TANGO6: variants seen among roughly 807,000 people sequenced by gnomAD.
TANGO6 encodes transport and golgi organization 6 homolog.
TANGO6 carries 90 observed loss-of-function variants against 114.2 expected under a neutral mutation model. The ratio of observed to expected loss-of-function variants is 0.79; its 90% CI spans 0.66 to 0.94. The LOEUF (loss-of-function observed/expected upper bound fraction) is 0.94, where lower values mean the gene tolerates loss of function less well. Ranked by LOEUF, TANGO6 falls within the 40% of genes least tolerant of loss-of-function variation. TANGO6 has a pLI of 0.00. For missense variants in TANGO6, 1,274 were observed against 1,315.3 expected, an observed-to-expected ratio of 0.97 and a Z score of 0.49; for synonymous variants, 477 against 509.8, an observed-to-expected ratio of 0.94 and a Z score of 0.87.
intron 16 of TANGO6, chr16:69,033,541 T>G (rs1419312334): frequency 6.6e-6 from 1 of 152,116 alleles, no homozygotes; most frequent in Non-Finnish European, 1.5e-5. Flanking sequence ...GGTTAACTTG[T>G]CAGGGCATCA....
intron 14 of TANGO6, among the ~76,000 whole-genome samples, chr16:68,940,183 CTTCT>C (rs200000249): frequency 4.1e-4 from 54 of 130,232 alleles, no homozygotes; most frequent in South Asian, 2.0e-3. Flanking sequence ...TCCTTCCTTC[CTTCT>C]TTTCTTTCTT....
At chr16:68,925,225 G>C (rs1473100272) in intron 12 of TANGO6, among the ~76,000 whole-genome samples, 1 of 152,038 alleles carries the variant, frequency 6.6e-6, no homozygotes, top group African/African-American at 2.4e-5. Flanking sequence ...TGGGGGAATC[G>C]CTTGAACCTG....
chr16:68,844,029 G>C lies in TANGO6; in HGVS notation c.94+318G>C, dbSNP rs74673829. Among the ~76,000 whole-genome samples the C allele has an allele frequency of 4.2e-3, 642 of 152,276 alleles. 4 individuals are homozygous for C. The highest frequency in any genetic ancestry group is 0.015 in the African/African-American group (630 of 41,564). On this transcript the variant is annotated intron_variant, in intron 1 of 17. Transcript: ENST00000261778. ...GCAGCGCTCTTGGGAGGGGGATATG[G>C]ACCCAGCTCCAGAGAGGGTAGGGCG...
chr16:68,900,322 T>C (rs1962764604), intron 7 of TANGO6, 112 bp from the exon 8 acceptor site: 1 of 789,576 alleles, frequency 1.3e-6, no homozygotes, highest in Admixed American at 2.3e-5. Context: ...ATGGTGTGAT[T>C]CGGATGAGAT....
chr16:68,900,228 G>A, intron 7 of TANGO6: 1 of 572,682 alleles, frequency 1.7e-6, no homozygotes, highest in Non-Finnish European at 3.1e-6. Flanking sequence ...AAATGGTGCT[G>A]CTCCAGTTCA....
At position 68,919,187 on chromosome 16, in the gene TANGO6, C is replaced by T. The variant is rs191687172; in HGVS notation, c.2095C>T (p.Leu699=). Residue 699 remains leucine (L), a synonymous_variant, in exon 12 of 18, where the codon CTG becomes TTG. Coordinates refer to ENST00000261778, the MANE Select transcript of TANGO6 (RefSeq NM_024562.2). ...ESQTLSMSMG[L]VAVMLGGAVQ... is the part of the protein sequence containing the mutation. ...ACAGACGCTGAGCATGTCCATGGGGCTGGTGGCTGTCATGCTAGGAGGAGC... is the reference window on the plus strand; with the variant it reads ...ACAGACGCTGAGCATGTCCATGGGGTTGGTGGCTGTCATGCTAGGAGGAGC... The T allele has an allele frequency of 3.4e-5, 55 of 1,612,680 alleles. No homozygotes were observed. The Admixed American group carries it at 9.0e-4, about 26-fold the overall frequency.
intron 1 of TANGO6, among the ~76,000 whole-genome samples, chr16:68,848,614 A>G (rs1426526107): frequency 6.6e-6 from 1 of 152,164 alleles, no homozygotes; most frequent in Non-Finnish European, 1.5e-5. Flanking sequence ...ACCTCAAGGT[A>G]TTAAAACTTT....
intron 12 of TANGO6, among the ~76,000 whole-genome samples, chr16:68,925,282 C>T (rs190410927): frequency 6.6e-6 from 1 of 152,172 alleles, no homozygotes. Flanking sequence ...TGCACTCCAG[C>T]CTGAGCAATA....
intron 11 of TANGO6, among the ~76,000 whole-genome samples, chr16:68,918,650 TAAAC>T (rs1326255782): frequency 6.6e-6 from 1 of 152,248 alleles, no homozygotes; most frequent in South Asian, 2.1e-4. Flanking sequence ...TGTATGGCCT[TAAAC>T]AAACAACCTT....
At chr16:68,872,851 C>T (rs779722289) in intron 4 of TANGO6, among the ~76,000 whole-genome samples, 1 of 151,554 alleles carries the variant, frequency 6.6e-6, no homozygotes, top group Non-Finnish European at 1.5e-5. Flanking sequence ...TTTGTGCCAC[C>T]ACACCCAGCT....
intron 14 of TANGO6, among the ~76,000 whole-genome samples, chr16:68,931,499 T>C (rs920982138): frequency 6.6e-6 from 1 of 152,184 alleles, no homozygotes; most frequent in East Asian, 1.9e-4. Context: ...TGGAAATAGC[T>C]CAAACAACCA....
At chr16:69,019,122 T>C (rs1455060682) in intron 15 of TANGO6, among the ~76,000 whole-genome samples, 1 of 152,212 alleles carries the variant, frequency 6.6e-6, no homozygotes, top group African/African-American at 2.4e-5. Flanking sequence ...AATATGGGTA[T>C]ACCATGGTTA....
chr16:68,934,875 T>G (rs1048193875), intron 14 of TANGO6, among the ~76,000 whole-genome samples: 11 of 152,212 alleles, frequency 7.2e-5, no homozygotes, highest in African/African-American at 2.7e-4. Flanking sequence ...TAGGGCCTGC[T>G]ATCAAAATCG....
chr16:69,075,927 G>T (rs984501638), intron 17 of TANGO6, among the ~76,000 whole-genome samples: 3 of 151,648 alleles, frequency 2.0e-5, no homozygotes, highest in Non-Finnish European at 4.4e-5. Flanking sequence ...ACCGTGCCCA[G>T]CTACTTTTTT....
intron 14 of TANGO6, among the ~76,000 whole-genome samples, chr16:68,955,446 A>G (rs1419984860): frequency 6.6e-6 from 1 of 152,220 alleles, no homozygotes; most frequent in East Asian, 1.9e-4. Context: ...TCATAGAGCA[A>G]CGCTGCTCTG....
Position 69,069,686 on chromosome 16 carries a change from A to G in TANGO6, c.3109-13799A>G, listed in dbSNP as rs572755876. ...CCTCTTATTTATTTCTCAACCACAA[A>G]GGGAGTCACAATTGGTGGTTGATAG... On this transcript the variant is annotated intron_variant, in intron 17 of 17. Transcript: ENST00000261778. Among the ~76,000 whole-genome samples, 24 of 152,248 alleles carry G rather than the reference A, an allele frequency of 1.6e-4. No homozygotes were observed. The South Asian group carries it at 3.7e-3, about 24-fold the overall frequency.
chr16:69,004,478 C>T (rs1316388192), intron 15 of TANGO6, among the ~76,000 whole-genome samples: 1 of 152,060 alleles, frequency 6.6e-6, no homozygotes, highest in Non-Finnish European at 1.5e-5. Flanking sequence ...GCCTCAGCCT[C>T]CTGATTAGCT....
intron 17 of TANGO6, among the ~76,000 whole-genome samples, chr16:69,061,470 C>T (rs954060580): frequency 6.6e-6 from 1 of 151,754 alleles, no homozygotes; most frequent in African/African-American, 2.4e-5. Context: ...AGGCTGAAAG[C>T]AGGACCTGGG....
chr16:69,073,059 TA>T (rs760215435), intron 17 of TANGO6, among the ~76,000 whole-genome samples: 5,217 of 140,652 alleles, frequency 0.037, 111 homozygotes, highest in Non-Finnish European at 0.054. Flanking sequence ...AGACCTTCTT[TA>T]AAAAAAAAAA....
Sources: gnomAD v4.1 joint callset for allele counts (sites outside exome capture counted in the v4.1 genomes callset) on GRCh38, gnomAD v4.1.1 for gene constraint, MANE v1.5 for transcripts, NCBI Gene and HGNC (gene_info 2026-07-23, HGNC 2026-07-21) for gene names.